KCNAB3: variants seen among roughly 807,000 people sequenced by gnomAD.
KCNAB3 encodes potassium voltage-gated channel subfamily A regulatory beta subunit 3, also known as voltage-gated potassium channel subunit beta-3.
A neutral mutation model predicts 67.7 loss-of-function variants in KCNAB3; 62 were observed. That is an observed-to-expected ratio of 0.92 (90% CI 0.75 to 1.13). The LOEUF (loss-of-function observed/expected upper bound fraction) is 1.13. Ranked by LOEUF, KCNAB3 falls within the 50% of genes most tolerant of loss-of-function variation. The pLI, the probability that KCNAB3 is intolerant of heterozygous loss-of-function variation, is 0.00. For missense variants in KCNAB3, 514 were observed against 522.9 expected (o/e 0.98, Z 0.17); for synonymous variants, 212 against 205.4 (o/e 1.03, Z -0.27).
intron 3 of KCNAB3, 105 bp from the exon 4 acceptor site, chr17:7,927,528 T>C: frequency 6.6e-7 from 1 of 1,503,908 alleles, no homozygotes; most frequent in Non-Finnish European, 9.3e-7. Flanking sequence ...GTCTCTCCCC[T>C]CTCCCCATCC....
Position 7,929,441 on chromosome 17 carries a change from C to T in KCNAB3, c.-6G>A. On this transcript the variant is annotated 5_prime_UTR_variant, in exon 1 of 14. Transcript: ENST00000303790. This position sits in a 1 kb window ranked among gnomAD's most constrained non-coding sequence, Gnocchi z 5.7. The stretch of plus-strand genomic sequence containing the variant: ...CACGCGATAGACACCTGCATGCTGG[C>T]TGGCCGAGGCGGGGGAGGGGGCTCC... The T allele has an allele frequency of 6.5e-7, 1 of 1,531,844 alleles. No individual in the cohort carries two copies. The highest frequency in any genetic ancestry group is 2.5e-5 in the East Asian group (1 of 39,768). The allele number at this position is 1,531,844 out of a possible 1,614,324, so 94.9% of individuals were successfully genotyped here.
At position 7,922,981 on chromosome 17, in the gene KCNAB3, G is replaced by A. The variant is rs1275541087; in HGVS notation, c.*121C>T. The A allele has an allele frequency of 4.6e-6, 4 of 876,190 alleles. No individual in the cohort carries two copies. The East Asian group carries it at 9.8e-5, about 21-fold the overall frequency. The allele number at this position is 876,190 out of a possible 1,614,324, so 54.3% of individuals were successfully genotyped here. A position where few individuals can be genotyped will look rare whatever the true frequency, so the allele number is the denominator to read the frequency against. On this transcript the variant is annotated 3_prime_UTR_variant, in exon 14 of 14. Coordinates refer to ENST00000303790, the MANE Select transcript of KCNAB3 (RefSeq NM_004732.4). ...TACTCGAAGCCGGGACTCGTTGGTG[G>A]GCGGGGCTAGTCTGGCTCCGGCCGC... is the stretch of plus-strand genomic sequence containing the variant.
In KCNAB3 at chr17:7,922,805, G is replaced by C; in HGVS notation, c.*297C>G. 1 of 502,522 alleles carries C rather than the reference G, an allele frequency of 2.0e-6. No homozygotes were observed. The allele number at this position is 502,522 out of a possible 1,614,324, so 31.1% of individuals were successfully genotyped here. ...CCTCGGGAATAAGGGGAGGAGAGTA[G>C]GGAGCGAGACGAAGTGGCAGAGAGC... is the stretch of plus-strand genomic sequence containing the variant. On this transcript the variant is annotated 3_prime_UTR_variant, in exon 14 of 14. Transcript: ENST00000303790.
chr17:7,928,977 A>AC, intron 1 of KCNAB3: 1 of 711,622 alleles, frequency 1.4e-6, no homozygotes, highest in Non-Finnish European at 2.3e-6. Context: ...GTCTGACAGG[A>AC]CCCAGTCAAC....
Position 7,924,622 on chromosome 17 carries a change from T to A in KCNAB3, c.626-122A>T, listed in dbSNP as rs541657068. On this transcript the variant is annotated intron_variant, in intron 8 of 13. Transcript: ENST00000303790. ...AACTCTATGGAGTCATGAAAGTTAA[T>A]ATCTACTCTTTGCCTCTCTTCCTGT... 145 of 1,425,784 alleles carry A rather than the reference T, an allele frequency of 1.0e-4. No homozygotes were observed. In the South Asian group the frequency reaches 2.3e-3, roughly 22 times the overall value. The allele number at this position is 1,425,784 out of a possible 1,614,324, so 88.3% of individuals were successfully genotyped here. A position where few individuals can be genotyped will look rare whatever the true frequency, so the allele number is the denominator to read the frequency against.
intron 11 of KCNAB3, 40 bp from the exon 12 acceptor site, chr17:7,923,871 C>T: frequency 6.6e-7 from 1 of 1,523,236 alleles, no homozygotes; most frequent in South Asian, 1.2e-5. Flanking sequence ...CCCGCCATCA[C>T]CACCACCACC....
In KCNAB3 at chr17:7,927,415, C is replaced by T. The variant is rs1972271127; in HGVS notation, c.333G>A (p.Glu111=). ...FGSQISDETA[E]DVLTVAYEHG... is the part of the protein sequence containing the mutation. ...GCTCATAGGCTACAGTCAGCACATC[C>T]TCTGCTGTCTAGGGAGGTGAAAGAG... The change falls in exon 4 of 14, where the codon GAG becomes GAA. Residue 111 remains glutamate (E), a synonymous_variant. Coordinates refer to ENST00000303790, the MANE Select transcript of KCNAB3 (RefSeq NM_004732.4). 5 of 1,613,722 alleles carry T rather than the reference C, an allele frequency of 3.1e-6. No individual in the cohort carries two copies. Among genetic ancestry groups the T allele is most frequent in the Non-Finnish European group, 4.2e-6 (5 of 1,179,926 alleles).
intron 3 of KCNAB3, 72 bp downstream of exon 3, chr17:7,927,585 A>C (rs1159198712): frequency 6.3e-7 from 1 of 1,584,120 alleles, no homozygotes; most frequent in Non-Finnish European, 8.7e-7. Flanking sequence ...CCAAACCCCT[A>C]TCCAGGTTCA....
chr17:7,923,180 C>G lies in KCNAB3; in HGVS notation c.1138-1G>C. 6.2e-7 allele frequency: 1 copy of G among 1,614,122 alleles called. No individual in the cohort carries two copies. The highest frequency in any genetic ancestry group is 8.5e-7 in the Non-Finnish European group (1 of 1,179,958). ...TCTGCGGGGTCAGCTGGCTCAGCAC[C>G]TGGAGGAGAGTGGGACGGTGGCGAC... On this transcript the variant is annotated splice_acceptor_variant, in intron 13 of 13. Coordinates refer to ENST00000303790, the MANE Select transcript of KCNAB3 (RefSeq NM_004732.4). LOFTEE classifies it high-confidence loss of function.
Position 7,925,178 on chromosome 17 carries a change from G to A in KCNAB3, c.544C>T (p.Arg182Ter), listed in dbSNP as rs375443381. Residue 182 changes from arginine (R) to a stop codon, truncating the protein, a stop_gained, in exon 8 of 14, where the codon CGA (arginine) becomes TGA (stop). Transcript: ENST00000303790. LOFTEE classifies it high-confidence loss of function. ...LSRKHIIEGL[R>*]GSLERLQLGY... ...AGCTGGAGGCGTTCCAGGGATCCTC[G>A]CAAGCCTGGAGGTGGGGTAGGGAGA... The A allele has an allele frequency of 8.1e-6, 13 of 1,613,182 alleles. No homozygotes were observed. Among genetic ancestry groups the A allele is most frequent in the East Asian group, 4.5e-5 (2 of 44,872 alleles).
At position 7,929,449 on chromosome 17, in the gene KCNAB3, G is replaced by A. The variant is rs1265240599; in HGVS notation, c.-14C>T. The A allele has an allele frequency of 6.5e-7, 1 of 1,545,572 alleles. No individual in the cohort carries two copies. ...AGACACCTGCATGCTGGCTGGCCGAGGCGGGGGAGGGGGCTCCGAGGGGAC... is the reference window on the plus strand; with the variant it reads ...AGACACCTGCATGCTGGCTGGCCGAAGCGGGGGAGGGGGCTCCGAGGGGAC... On this transcript the variant is annotated 5_prime_UTR_variant, in exon 1 of 14. Coordinates refer to ENST00000303790, the MANE Select transcript of KCNAB3 (RefSeq NM_004732.4). This position sits in a 1 kb window ranked among gnomAD's most constrained non-coding sequence, Gnocchi z 5.7.
chr17:7,925,783 G>A, intron 6 of KCNAB3, 57 bp from the exon 7 acceptor site: 1 of 1,609,156 alleles, frequency 6.2e-7, no homozygotes, highest in Non-Finnish European at 8.5e-7. Context: ...ACCGGGGCTG[G>A]CTTGGAGCCA....
chr17:7,929,543 G>C lies in KCNAB3; in HGVS notation c.-108C>G. Reference sequence around the variant, plus strand: ...GTAGTGGGGCGAACCCCGGCAGAGCGGGAAGGCTGAGGAGGCTGCGGCGGG... The same window carrying C: ...GTAGTGGGGCGAACCCCGGCAGAGCCGGAAGGCTGAGGAGGCTGCGGCGGG... On this transcript the variant is annotated 5_prime_UTR_variant, in exon 1 of 14. Transcript: ENST00000303790. This position sits in a 1 kb window ranked among gnomAD's most constrained non-coding sequence, Gnocchi z 5.7. 6.6e-7 allele frequency: 1 copy of C among 1,511,918 alleles called. No individual in the cohort carries two copies. The highest frequency in any genetic ancestry group is 8.8e-7 in the Non-Finnish European group (1 of 1,134,922). 93.7% of individuals were successfully genotyped at this position (1,511,918 alleles called of 1,614,324 possible).
intron 10 of KCNAB3, 24 bp from the exon 11 acceptor site, chr17:7,924,086 A>G: frequency 6.2e-7 from 1 of 1,614,202 alleles, no homozygotes; most frequent in South Asian, 1.1e-5. Flanking sequence ...ACTGGGTGTC[A>G]GGAAAAGGAC....
Position 7,929,835 on chromosome 17 carries a change from G to GATTT in KCNAB3, c.-401_-400insAAAT. On this transcript the variant is annotated 5_prime_UTR_variant, in exon 1 of 14. Transcript: ENST00000303790. The surrounding 1 kb of genome is among the most constrained non-coding windows in gnomAD (Gnocchi z 5.7). ...TGCGGGACCCGCTGGGCTCCCAGCC[G>GATTT]CGTCGGCAGCGGGCCCAGCTCATCA... 2.9e-6 allele frequency: 3 copies of GATTT among 1,029,898 alleles called. No homozygotes were observed. Among genetic ancestry groups the GATTT allele is most frequent in the Admixed American group, 1.1e-4 (2 of 18,138 alleles). 63.8% of individuals were successfully genotyped at this position (1,029,898 alleles called of 1,614,324 possible).
rs1485267062 is a variant in KCNAB3 at position 7,929,815 on chromosome 17, G to A, written c.-380C>T. On this transcript the variant is annotated 5_prime_UTR_variant, in exon 1 of 14. Coordinates refer to ENST00000303790, the MANE Select transcript of KCNAB3 (RefSeq NM_004732.4). This position sits in a 1 kb window ranked among gnomAD's most constrained non-coding sequence, Gnocchi z 5.7. ...GCCACTTCAGCGCGAACCGCTGCGG[G>A]ACCCGCTGGGCTCCCAGCCGCGTCG... 1.9e-6 allele frequency: 2 copies of A among 1,029,916 alleles called. No homozygotes were observed. Among genetic ancestry groups the A allele is most frequent in the Admixed American group, 5.9e-5 (1 of 16,954 alleles). The allele number at this position is 1,029,916 out of a possible 1,614,324, so 63.8% of individuals were successfully genotyped here.
rs1323111970 is a variant in KCNAB3, at chr17:7,929,012, C to G, written c.242+182G>C. 1.0e-6 allele frequency: 1 copy of G among 956,738 alleles called. No individual in the cohort carries two copies. Among genetic ancestry groups the G allele is most frequent in the African/African-American group, 1.7e-5 (1 of 59,972 alleles). The allele number at this position is 956,738 out of a possible 1,614,324, so 59.3% of individuals were successfully genotyped here. On this transcript the variant is annotated intron_variant, in intron 1 of 13. Coordinates refer to ENST00000303790, the MANE Select transcript of KCNAB3 (RefSeq NM_004732.4). The surrounding 1 kb of genome is among the most constrained non-coding windows in gnomAD (Gnocchi z 5.7). ...CCTTGGTAAACTTGATTCTCGTAGT[C>G]AGGGGTATCGACAGAAACCAAGAGA...
chr17:7,923,379 C>T, intron 13 of KCNAB3, 77 bp downstream of exon 13: 1 of 1,434,858 alleles, frequency 7.0e-7, no homozygotes, highest in Non-Finnish European at 9.6e-7. Flanking sequence ...CTGATAGAGC[C>T]ATCCTGGGTT....
Position 7,924,397 on chromosome 17 carries a change from G to T in KCNAB3, c.711+18C>A, listed in dbSNP as rs751428211. The T allele has an allele frequency of 7.4e-6, 12 of 1,612,140 alleles. No homozygotes were observed. The East Asian group carries it at 2.7e-4, about 36-fold the overall frequency. On this transcript the variant is annotated intron_variant, in intron 9 of 13. Coordinates refer to ENST00000303790, the MANE Select transcript of KCNAB3 (RefSeq NM_004732.4). ...GAACCAGTTGTGGGACAGGGGCAAG[G>T]TGGGGTCACACACTCACCATGATTT... is the stretch of plus-strand genomic sequence containing the variant.
Sources: gnomAD v4.1 joint callset for allele counts on GRCh38, gnomAD v4.1.1 for gene constraint, Gnocchi (gnomAD v3.1) non-coding constraint, MANE v1.5 for transcripts, NCBI Gene and HGNC (gene_info 2026-07-23, HGNC 2026-07-21) for gene names.